The following GPR158 variants were observed in gnomAD, a reference collection of about 807,000 sequenced individuals.
The protein encoded by GPR158 is G protein-coupled receptor 158.
In GPR158, 30 loss-of-function variants were observed where a neutral mutation model predicts 78.2. The observed-to-expected ratio is 0.38, with a 90% CI of 0.29 to 0.52. GPR158 has a LOEUF of 0.52. GPR158 is among the 20% of genes least tolerant of loss of function. The probability of loss-of-function intolerance (pLI) is 0.83; values close to 1 mark genes in which losing one functional copy is unlikely to be tolerated. For synonymous variants in GPR158, 581 were observed against 591.1 expected (o/e 0.98, Z 0.25); for missense variants, 1,463 against 1,523.5 (o/e 0.96, Z 0.66).
At position 25,318,394 on chromosome 10, in the gene GPR158, A is replaced by G. The variant is rs74574404; in HGVS notation, c.1009-77517A>G. Among the ~76,000 whole-genome samples, 1,230 of 152,024 alleles carry G rather than the reference A, an allele frequency of 8.1e-3. 7 individuals carry two copies. Among genetic ancestry groups the G allele is most frequent in the Non-Finnish European group, 0.011 (758 of 67,978 alleles). ...TTTCCGTGTAATTACACTTTGATCT[A>G]TTAGGACTTCTTTCTCTAGTACTTT... On this transcript the variant is annotated intron_variant, in intron 2 of 10. Transcript: ENST00000376351.
chr10:25,311,655 T>C (rs1854766827), intron 2 of GPR158, among the ~76,000 whole-genome samples: 1 of 152,032 alleles, frequency 6.6e-6, no homozygotes, highest in Non-Finnish European at 1.5e-5. Context: ...CTCATACTTT[T>C]TGGTCTCAAG....
chr10:25,350,569 T>A (rs962296211), intron 2 of GPR158, among the ~76,000 whole-genome samples: 43 of 152,066 alleles, frequency 2.8e-4, no homozygotes, highest in African/African-American at 1.0e-3. Context: ...TTAAAAGGAT[T>A]GTCAGGATAA....
chr10:25,541,975 T>TATAATTA (rs1836593989), intron 5 of GPR158, among the ~76,000 whole-genome samples: 1 of 144,780 alleles, frequency 6.9e-6, no homozygotes, highest in Non-Finnish European at 1.5e-5. Flanking sequence ...TATATTATAA[T>TATAATTA]TATAAATTAT....
At chr10:25,496,347 T>TG (rs1226803947) in intron 5 of GPR158, among the ~76,000 whole-genome samples, 1 of 152,136 alleles carries the variant, frequency 6.6e-6, no homozygotes, top group Non-Finnish European at 1.5e-5. Context: ...ACATGAGAAA[T>TG]GGAGAGACAC....
chr10:25,188,327 A>T (rs529554055), intron 1 of GPR158, among the ~76,000 whole-genome samples: 19 of 152,308 alleles, frequency 1.2e-4, no homozygotes, highest in African/African-American at 4.1e-4. Flanking sequence ...CATTGCCAAG[A>T]CAATCCTAAG....
intron 3 of GPR158, among the ~76,000 whole-genome samples, chr10:25,407,314 C>G (rs1338762996): frequency 6.6e-6 from 1 of 152,116 alleles, no homozygotes; most frequent in Non-Finnish European, 1.5e-5. Context: ...AAATAGAAGG[C>G]AGAGTTTGGG....
chr10:25,592,521 T>G (rs1837355045), intron 8 of GPR158, among the ~76,000 whole-genome samples: 2 of 152,038 alleles, frequency 1.3e-5, no homozygotes, highest in African/African-American at 2.4e-5. Context: ...TTAAAACTAC[T>G]GCAAACCCAG....
At chr10:25,251,718 C>T (rs1481784860) in intron 2 of GPR158, among the ~76,000 whole-genome samples, 1 of 151,440 alleles carries the variant, frequency 6.6e-6, no homozygotes, top group African/African-American at 2.4e-5. Context: ...TGAGGGTAAC[C>T]CGACCTTTCT....
chr10:25,521,933 G>A (rs1449320253), intron 5 of GPR158, among the ~76,000 whole-genome samples: 1 of 152,182 alleles, frequency 6.6e-6, no homozygotes, highest in African/African-American at 2.4e-5. Context: ...CAGAGTTGAG[G>A]CACTGTGGGT....
intron 2 of GPR158, 142 bp from the exon 3 acceptor site, chr10:25,395,769 C>A: frequency 2.0e-6 from 1 of 498,468 alleles, no homozygotes; most frequent in South Asian, 3.4e-5. Context: ...CACAACAAAA[C>A]TGAAAAGTTC....
At chr10:25,520,966 C>G (rs941331085) in intron 5 of GPR158, among the ~76,000 whole-genome samples, 2 of 152,200 alleles carry the variant, frequency 1.3e-5, no homozygotes, top group Admixed American at 6.5e-5. Context: ...CCCCCAGCCT[C>G]GCTGGCGCCT....
chr10:25,435,867 G>T (rs1467606464), intron 4 of GPR158, among the ~76,000 whole-genome samples: 2 of 152,180 alleles, frequency 1.3e-5, no homozygotes, highest in African/African-American at 4.8e-5. Context: ...TGCAGATGGA[G>T]AAGAGTGGCT....
In GPR158 at chr10:25,392,665, T is replaced by G. The variant is rs185069726; in HGVS notation, c.1009-3246T>G. 7.8e-4 allele frequency among the ~76,000 whole-genome samples: 114 copies of G among 145,662 alleles called. 1 individual carries two copies. The highest frequency in any genetic ancestry group is 3.5e-3 in the Middle Eastern group (1 of 286). ...TAGTTGAGCATCACTATATTTACAG[T>G]TTTTTTTTTAAACTAGGTTAACTGA... is the stretch of plus-strand genomic sequence containing the variant. On this transcript the variant is annotated intron_variant, in intron 2 of 10. Coordinates refer to ENST00000376351, the MANE Select transcript of GPR158 (RefSeq NM_020752.3).
Position 25,599,280 on chromosome 10 carries a change from C to T in GPR158, c.*6C>T, listed in dbSNP as rs1242682649. ...GGGATAGTTTTAAAGTGTAGCATCT[C>T]CAGGAAGAAGAGGAAAAGGAGGGAA... On this transcript the variant is annotated 3_prime_UTR_variant, in exon 11 of 11. Transcript: ENST00000376351. 1.9e-6 allele frequency: 3 copies of T among 1,590,714 alleles called. No individual in the cohort carries two copies. Among genetic ancestry groups the T allele is most frequent in the East Asian group, 2.2e-5 (1 of 44,622 alleles).
At chr10:25,211,163 A>T (rs1853124412) in intron 1 of GPR158, among the ~76,000 whole-genome samples, 1 of 151,916 alleles carries the variant, frequency 6.6e-6, no homozygotes, top group Non-Finnish European at 1.5e-5. Flanking sequence ...ACAGAATTTT[A>T]AAAAATTTCT....
intron 2 of GPR158, among the ~76,000 whole-genome samples, chr10:25,268,875 T>G (rs551203125): frequency 6.6e-6 from 1 of 152,324 alleles, no homozygotes; most frequent in Non-Finnish European, 1.5e-5. Flanking sequence ...GTTAGGAGCA[T>G]CCTAAGTATT....
chr10:25,299,452 A>G (rs892172706), intron 2 of GPR158, among the ~76,000 whole-genome samples: 1 of 152,002 alleles, frequency 6.6e-6, no homozygotes, highest in Admixed American at 6.6e-5. Context: ...TACATATTTG[A>G]TCTTGTTTTA....
At chr10:25,189,527 A>T (rs779420898) in intron 1 of GPR158, among the ~76,000 whole-genome samples, 1 of 152,168 alleles carries the variant, frequency 6.6e-6, no homozygotes, top group Non-Finnish European at 1.5e-5. Flanking sequence ...TCAGCAAACT[A>T]TCACAAGGAT....
chr10:25,591,543 G>A (rs1442075827), intron 8 of GPR158, among the ~76,000 whole-genome samples: 1 of 152,010 alleles, frequency 6.6e-6, no homozygotes, highest in Non-Finnish European at 1.5e-5. Context: ...AGTAAATTTG[G>A]TGTTGAATAG....
Sources: gnomAD v4.1 joint callset for allele counts (sites outside exome capture counted in the v4.1 genomes callset) on GRCh38, gnomAD v4.1.1 for gene constraint, MANE v1.5 for transcripts, NCBI Gene and HGNC (gene_info 2026-07-23, HGNC 2026-07-21) for gene names.